Variants in EIF2AK4 observed in about 807,000 individuals in gnomAD.
The protein encoded by EIF2AK4 is eukaryotic translation initiation factor 2 alpha kinase 4.
Under a neutral mutation model 211.1 loss-of-function variants are expected in EIF2AK4, and 139 were observed. The observed-to-expected ratio is 0.66, with a 90% CI of 0.57 to 0.76. The LOEUF (loss-of-function observed/expected upper bound fraction) is 0.76. Among genes scored for constraint, EIF2AK4 ranks in the 30% least tolerant of loss-of-function variants. EIF2AK4 has a pLI of 0.00. For missense variants in EIF2AK4, 1,664 were observed against 2,043.8 expected, an observed-to-expected ratio of 0.81 and a Z score of 3.58; for synonymous variants, 710 against 751.3, an observed-to-expected ratio of 0.94 and a Z score of 0.90.
Position 40,021,507 on chromosome 15 carries a change from T to C in EIF2AK4, c.4302+480T>C, listed in dbSNP as rs565771400. The C allele has an allele frequency of 2.0e-5, 3 of 152,776 alleles. No homozygotes were observed. The East Asian group carries it at 5.8e-4, about 29-fold the overall frequency. 9.5% of individuals were successfully genotyped at this position (152,776 alleles called of 1,614,324 possible). A position where few individuals can be genotyped will look rare whatever the true frequency, so the allele number is the denominator to read the frequency against. The stretch of plus-strand genomic sequence containing the variant: ...TACGTGGGGCCCACCCAGATAATCC[T>C]GGTTGATCACTCACAGGTTCTAGGA... On this transcript the variant is annotated intron_variant, in intron 31 of 38. Coordinates refer to ENST00000263791, the MANE Select transcript of EIF2AK4 (RefSeq NM_001013703.4).
Position 39,990,342 on chromosome 15 carries a change from G to A in EIF2AK4, c.2596G>A (p.Asp866Asn), listed in dbSNP as rs1275643312. 7 of 1,614,070 alleles carry A rather than the reference G, an allele frequency of 4.3e-6. No individual in the cohort carries two copies. The highest frequency in any genetic ancestry group is 5.1e-6 in the Non-Finnish European group (6 of 1,180,036). ...LDSDDHVKIG[D>N]FGLATDHLAF... ...TTCTGATGACCATGTGAAAATAGGT[G>A]ATTTTGGTTTGGCGACAGACCATCT... The change falls in exon 16 of 39, where the codon GAT becomes AAT. Residue 866 changes from aspartate (D) to asparagine (N), a missense_variant. This residue lies in a region of EIF2AK4 where 622 missense variants were observed against 796.8 expected (regional missense o/e 0.78). Coordinates refer to ENST00000263791, the MANE Select transcript of EIF2AK4 (RefSeq NM_001013703.4).
At chr15:40,023,066 AG>A (rs1304527761) in intron 32 of EIF2AK4, among the ~76,000 whole-genome samples, 2 of 152,188 alleles carry the variant, frequency 1.3e-5, no homozygotes, top group African/African-American at 4.8e-5. Context: ...GTATAAAATA[AG>A]GAAGAGAGTC....
chr15:40,030,422 T>C lies in EIF2AK4; in HGVS notation c.4625T>C (p.Leu1542Pro), dbSNP rs760170623. 1 of 1,614,088 alleles carries C rather than the reference T, an allele frequency of 6.2e-7. No individual in the cohort carries two copies. Among genetic ancestry groups the C allele is most frequent in the Non-Finnish European group, 8.5e-7 (1 of 1,180,010 alleles). ...PIVSVLAPEK[L>P]SASTRRRYET... ...GTGAGTGTGCTAGCCCCGGAGAAGC[T>C]GTCAGCCAGCACTAGGAGGCGCTAT... Residue 1542 changes from leucine (L) to proline (P), a missense_variant, in exon 35 of 39, where the codon CTG becomes CCG. Around this residue, in one of 7 missense-constraint regions of EIF2AK4, gnomAD observed 138 missense variants for 165.1 expected, o/e 0.84. Transcript: ENST00000263791.
At chr15:39,997,385 T>C (rs2035031841) in intron 19 of EIF2AK4, among the ~76,000 whole-genome samples, 1 of 152,206 alleles carries the variant, frequency 6.6e-6, no homozygotes, top group Admixed American at 6.5e-5. Context: ...GAACCCTACC[T>C]CTGATGATGG....
At chr15:40,016,761 T>G in intron 28 of EIF2AK4, 89 bp downstream of exon 28, 1 of 1,453,598 alleles carries the variant, frequency 6.9e-7, no homozygotes, top group Non-Finnish European at 9.3e-7. Context: ...CTAATGCTAG[T>G]TAGTGTTTTA....
chr15:39,934,469 C>A, intron 1 of EIF2AK4, 130 bp downstream of exon 1: 3 of 1,283,814 alleles, frequency 2.3e-6, no homozygotes, highest in Non-Finnish European at 3.1e-6. Flanking sequence ...TTAGGTTCCA[C>A]CCATGCTCAC....
Position 40,011,298 on chromosome 15 carries a change from G to C in EIF2AK4, c.3711G>C (p.Arg1237Ser). The change falls in exon 27 of 39, where the codon AGG becomes AGC. Residue 1237 changes from arginine to serine, a missense_variant. Around this residue, in one of 7 missense-constraint regions of EIF2AK4, gnomAD observed 622 missense variants for 796.8 expected, o/e 0.78. Transcript: ENST00000263791. Reference protein sequence around the residue: ...LYDAVTEKLTRREVEAKFCNL... With the variant: ...LYDAVTEKLTSREVEAKFCNL... ...CACGTTAGACAGAGAAGCTGACGAG[G>C]AGAGAAGTGGAAGCTAAATTTTGTA... The C allele has an allele frequency of 1.2e-6, 2 of 1,613,908 alleles. No individual in the cohort carries two copies. Among genetic ancestry groups the C allele is most frequent in the Non-Finnish European group, 1.7e-6 (2 of 1,179,882 alleles).
At chr15:39,998,257 G>GTTTTTTTTTTTTTTTTTTTT (rs752625722) in intron 19 of EIF2AK4, among the ~76,000 whole-genome samples, 4 of 109,752 alleles carry the variant, frequency 3.6e-5, no homozygotes, top group Non-Finnish European at 7.9e-5. Flanking sequence ...TATGGGTGTG[G>GTTTTTTTTTTTTTTTTTTTT]TTTTTTTTTT....
At chr15:39,940,189 T>C (rs2140896550) in intron 2 of EIF2AK4, among the ~76,000 whole-genome samples, 1 of 152,322 alleles carries the variant, frequency 6.6e-6, no homozygotes, top group Middle Eastern at 3.4e-3. Flanking sequence ...AACAACCAAA[T>C]AACCTACATA....
chr15:39,945,142 A>G (rs1272996467), intron 3 of EIF2AK4, among the ~76,000 whole-genome samples: 4 of 145,408 alleles, frequency 2.8e-5, no homozygotes, highest in Non-Finnish European at 1.5e-5. Context: ...TGTGATTTAA[A>G]TTTTTTTTTT....
At chr15:39,937,781 T>C (rs1595538723) in intron 1 of EIF2AK4, among the ~76,000 whole-genome samples, 1 of 152,182 alleles carries the variant, frequency 6.6e-6, no homozygotes, top group African/African-American at 2.4e-5. Flanking sequence ...CCCGTGTGCA[T>C]CCCTCCTCCT....
chr15:39,946,745 G>A (rs1169515685), intron 3 of EIF2AK4: 34 of 678,646 alleles, frequency 5.0e-5, no homozygotes, highest in East Asian at 4.4e-4. Flanking sequence ...AGAAATTGCC[G>A]CAACCACCCC....
chr15:39,966,563 T>A (rs1165519835), intron 8 of EIF2AK4, among the ~76,000 whole-genome samples: 1 of 151,912 alleles, frequency 6.6e-6, no homozygotes, highest in African/African-American at 2.4e-5. Context: ...ACCGGAGGAT[T>A]TTTAAGTTAA....
At chr15:39,951,918 A>G (rs1169380016) in intron 4 of EIF2AK4, among the ~76,000 whole-genome samples, 1 of 152,184 alleles carries the variant, frequency 6.6e-6, no homozygotes, top group Non-Finnish European at 1.5e-5. Context: ...GCTTACCTAT[A>G]CTACGTTCTA....
Position 40,029,393 on chromosome 15 carries a change from T to A in EIF2AK4, c.4503-13T>A. ...TGACTGTTCTTTAATTGTTTTTGTT[T>A]GCTTGTTTTTAGAGAAGCTTCCGAT... is the stretch of plus-strand genomic sequence containing the variant. On this transcript the variant is annotated splice_polypyrimidine_tract_variant and intron_variant, in intron 33 of 38. Transcript: ENST00000263791. 1 of 1,612,326 alleles carries A rather than the reference T, an allele frequency of 6.2e-7. No individual in the cohort carries two copies. Among genetic ancestry groups the A allele is most frequent in the Non-Finnish European group, 8.5e-7 (1 of 1,179,762 alleles).
Position 40,001,193 on chromosome 15 carries a change from T to G in EIF2AK4, c.3128T>G (p.Ile1043Ser). 6.2e-7 allele frequency: 1 copy of G among 1,613,742 alleles called. No homozygotes were observed. Among genetic ancestry groups the G allele is most frequent in the South Asian group, 1.1e-5 (1 of 91,054 alleles). The change falls in exon 21 of 39, where the codon ATC (isoleucine) becomes AGC (serine). Residue 1043 changes from isoleucine (I) to serine (S), a missense_variant. Coordinates refer to ENST00000263791, the MANE Select transcript of EIF2AK4 (RefSeq NM_001013703.4). ...TTCTCGCAGCGCATCTCCCCTGCCATCGATTACACCTATGACAGCGACATA... is the reference window on the plus strand; with the variant it reads ...TTCTCGCAGCGCATCTCCCCTGCCAGCGATTACACCTATGACAGCGACATA... ...QIFSQRISPA[I>S]DYTYDSDILK... is the part of the protein sequence containing the mutation.
intron 30 of EIF2AK4, among the ~76,000 whole-genome samples, chr15:40,020,192 A>T (rs1309151160): frequency 1.3e-5 from 2 of 151,588 alleles, no homozygotes; most frequent in Non-Finnish European, 2.9e-5. Flanking sequence ...AAAAGAAAAG[A>T]AAAGAAATCC....
At chr15:40,011,830 A>G (rs1427480764) in intron 27 of EIF2AK4, among the ~76,000 whole-genome samples, 2 of 152,172 alleles carry the variant, frequency 1.3e-5, no homozygotes, top group Non-Finnish European at 2.9e-5. Flanking sequence ...TAATCTTAAA[A>G]TCTTACATTT....
At chr15:39,972,343 C>G (rs1441927378) in intron 9 of EIF2AK4, among the ~76,000 whole-genome samples, 1 of 128,650 alleles carries the variant, frequency 7.8e-6, no homozygotes, top group African/African-American at 2.7e-5. Context: ...CGGCAAGACC[C>G]TATTTCAAAA....
Sources: gnomAD v4.1 joint callset for allele counts (sites outside exome capture counted in the v4.1 genomes callset) on GRCh38, gnomAD v4.1.1 for gene constraint, gnomAD v4.1.1 regional missense constraint, MANE v1.5 for transcripts, NCBI Gene and HGNC (gene_info 2026-07-23, HGNC 2026-07-21) for gene names.